Variants in CARMIL1 observed in about 807,000 individuals in gnomAD.
CARMIL1 encodes the protein F-actin-uncapping protein LRRC16A.
Under a neutral mutation model 177.1 loss-of-function variants are expected in CARMIL1, and 90 were observed. That is an observed-to-expected ratio of 0.51 (90% CI 0.43 to 0.61). The LOEUF (loss-of-function observed/expected upper bound fraction) is 0.61. CARMIL1 is among the 20% of genes least tolerant of loss of function. The pLI, the probability that CARMIL1 is intolerant of heterozygous loss-of-function variation, is 0.00. For missense variants in CARMIL1, 1,380 were observed against 1,667.0 expected (o/e 0.83, Z 3.00); for synonymous variants, 577 against 606.2 (o/e 0.95, Z 0.71).
intron 4 of CARMIL1, among the ~76,000 whole-genome samples, chr6:25,434,080 G>A (rs900413972): frequency 6.6e-5 from 10 of 152,148 alleles, no homozygotes; most frequent in Admixed American, 6.5e-4. Context: ...TTTTTTGGGG[G>A]GTAGGAAGAT....
At chr6:25,363,091 A>G (rs1197437021) in intron 2 of CARMIL1, among the ~76,000 whole-genome samples, 1 of 152,168 alleles carries the variant, frequency 6.6e-6, no homozygotes, top group Non-Finnish European at 1.5e-5. Context: ...GAAAGTACTC[A>G]CTACTCAGGT....
rs571109527 is a variant in CARMIL1 at position 25,443,949 on chromosome 6, A to G, written c.372-5949A>G. ...CTCCGGAGTAGCTGGGATTACAGGC[A>G]TGCACCACCACGCCCGAATAATTTT... On this transcript the variant is annotated intron_variant, in intron 5 of 36. Coordinates refer to ENST00000329474, the MANE Select transcript of CARMIL1 (RefSeq NM_017640.6). Among the ~76,000 whole-genome samples, 3 of 152,102 alleles carry G rather than the reference A, an allele frequency of 2.0e-5. No homozygotes were observed. In the South Asian group the frequency reaches 6.2e-4, roughly 32 times the overall value.
At chr6:25,371,182 G>C (rs574640456) in intron 2 of CARMIL1, among the ~76,000 whole-genome samples, 4 of 152,190 alleles carry the variant, frequency 2.6e-5, no homozygotes, top group African/African-American at 9.7e-5. Context: ...ACTTAGGTTG[G>C]TTCTGTATCT....
chr6:25,581,497 A>C (rs988538909), intron 31 of CARMIL1, 58 bp downstream of exon 31: 1 of 1,477,754 alleles, frequency 6.8e-7, no homozygotes, highest in African/African-American at 1.4e-5. Flanking sequence ...CTCTGGGGAA[A>C]GTTGGAGGGT....
intron 17 of CARMIL1, among the ~76,000 whole-genome samples, chr6:25,505,035 C>A (rs1338687286): frequency 1.3e-5 from 2 of 152,216 alleles, no homozygotes; most frequent in African/African-American, 4.8e-5. Context: ...GAATTGACAT[C>A]ATAGGTCAGT....
chr6:25,539,143 CA>C (rs1402194169), intron 25 of CARMIL1, among the ~76,000 whole-genome samples: 1 of 151,924 alleles, frequency 6.6e-6, no homozygotes, highest in Non-Finnish European at 1.5e-5. Flanking sequence ...GTCATTTTAG[CA>C]AATTATGGAA....
Position 25,284,798 on chromosome 6 carries a change from C to CTTTTTTT in CARMIL1, c.41-10_41-4dup, listed in dbSNP as rs568919743. On this transcript the variant is annotated splice_polypyrimidine_tract_variant and intron_variant, in intron 1 of 36. Coordinates refer to ENST00000329474, the MANE Select transcript of CARMIL1 (RefSeq NM_017640.6). ...TTTTTTCTTATTAATAACATAATTC[C>CTTTTTTT]TTTTTTTTTTCAGAAAGCATAAAGG... The CTTTTTTT allele has an allele frequency of 3.3e-6, 4 of 1,228,140 alleles. No individual in the cohort carries two copies. The highest frequency in any genetic ancestry group is 2.3e-5 in the Admixed American group (1 of 43,548). The allele number at this position is 1,228,140 out of a possible 1,614,324, so 76.1% of individuals were successfully genotyped here. A position where few individuals can be genotyped will look rare whatever the true frequency, so the allele number is the denominator to read the frequency against.
At chr6:25,574,559 C>G (rs1456178507) in intron 29 of CARMIL1, among the ~76,000 whole-genome samples, 4 of 152,204 alleles carry the variant, frequency 2.6e-5, no homozygotes, top group African/African-American at 9.6e-5. Context: ...AAGCTTCTCC[C>G]CGTTTCTCCT....
In CARMIL1 at chr6:25,457,888, G is replaced by A. The variant is rs191838963; in HGVS notation, c.614+7177G>A. Reference sequence around the variant, plus strand: ...TATTTGTGCTTTTCTCACATTGCAGGTTGTAGGGCTTGCTAGATGTCCTTC... The same window carrying A: ...TATTTGTGCTTTTCTCACATTGCAGATTGTAGGGCTTGCTAGATGTCCTTC... On this transcript the variant is annotated intron_variant, in intron 8 of 36. Coordinates refer to ENST00000329474, the MANE Select transcript of CARMIL1 (RefSeq NM_017640.6). 2.2e-4 allele frequency among the ~76,000 whole-genome samples: 33 copies of A among 152,264 alleles called. No individual in the cohort carries two copies. In the East Asian group the frequency reaches 6.0e-3, roughly 28 times the overall value.
intron 2 of CARMIL1, among the ~76,000 whole-genome samples, chr6:25,315,308 C>T (rs1234759334): frequency 2.6e-5 from 4 of 152,218 alleles, no homozygotes; most frequent in Admixed American, 1.3e-4. Flanking sequence ...CAATTCTAAG[C>T]CTCTGCTTTG....
chr6:25,501,848 G>A (rs7743652), intron 17 of CARMIL1, among the ~76,000 whole-genome samples: 30,246 of 151,840 alleles, frequency 0.2, 3,371 homozygotes, highest in East Asian at 0.27. Flanking sequence ...TTCTAGAAAT[G>A]GACAAGTCTG....
At chr6:25,508,709 AG>A (rs1198502952) in intron 17 of CARMIL1, among the ~76,000 whole-genome samples, 1 of 152,234 alleles carries the variant, frequency 6.6e-6, no homozygotes, top group Non-Finnish European at 1.5e-5. Flanking sequence ...TTCCTACATG[AG>A]TAAAGGACTT....
intron 23 of CARMIL1, among the ~76,000 whole-genome samples, chr6:25,524,254 A>T: frequency 6.6e-6 from 1 of 152,184 alleles, no homozygotes; most frequent in East Asian, 1.9e-4. Context: ...ATTGCTTAAA[A>T]ACAAACAAAC....
intron 2 of CARMIL1, among the ~76,000 whole-genome samples, chr6:25,412,347 C>G (rs772802734): frequency 1.3e-5 from 2 of 152,146 alleles, no homozygotes; most frequent in East Asian, 3.9e-4. Flanking sequence ...TTTGGGAGGC[C>G]GAGCTGGGAG....
In CARMIL1 at chr6:25,515,849, T is replaced by G; in HGVS notation, c.1805+2T>G. The G allele has an allele frequency of 6.3e-7, 1 of 1,596,428 alleles. No individual in the cohort carries two copies. Among genetic ancestry groups the G allele is most frequent in the Admixed American group, 1.7e-5 (1 of 57,392 alleles). On this transcript the variant is annotated splice_donor_variant, in intron 21 of 36. Coordinates refer to ENST00000329474, the MANE Select transcript of CARMIL1 (RefSeq NM_017640.6). LOFTEE classifies it high-confidence loss of function. This position sits in a 1 kb window ranked among gnomAD's most constrained non-coding sequence, Gnocchi z 5.0. ...ACTGCAGATCAACACTAAGCTCAGG[T>G]AGGCAGATCCCACCCTCCCTGCTCA...
intron 29 of CARMIL1, among the ~76,000 whole-genome samples, chr6:25,567,200 TCCCAGGAAACAAAGA>T (rs1301270676): frequency 3.9e-5 from 6 of 152,228 alleles, no homozygotes. Flanking sequence ...CTGGCCTGAA[TCCCAGGAAACAAAGA>T]CCCAGGAGAG....
intron 23 of CARMIL1, among the ~76,000 whole-genome samples, chr6:25,523,294 A>G (rs1458544187): frequency 6.6e-6 from 1 of 152,218 alleles, no homozygotes; most frequent in African/African-American, 2.4e-5. Context: ...TAGGTAGGAA[A>G]AATAAAGCTA....
In CARMIL1 at chr6:25,600,564, G is replaced by A. The variant is rs756458699; in HGVS notation, c.3370G>A (p.Glu1124Lys). The change falls in exon 33 of 37, where the codon GAG becomes AAG. Residue 1124 changes from glutamate (E) to lysine (K), a missense_variant. By Grantham distance (56) the Glu-to-Lys change is moderately conservative. Coordinates refer to ENST00000329474, the MANE Select transcript of CARMIL1 (RefSeq NM_017640.6). The part of the protein sequence containing the change: ...AEHNGNSERI[E>K]EIKTPDSFEE... ...GCACAATGGCAATTCTGAACGGATAGAGGAGATAAAAACACCTGACTCCTT... is the reference window on the plus strand; with the variant it reads ...GCACAATGGCAATTCTGAACGGATAAAGGAGATAAAAACACCTGACTCCTT... The A allele has an allele frequency of 1.9e-6, 3 of 1,614,028 alleles. No individual in the cohort carries two copies. The Admixed American group carries it at 5.0e-5, about 27-fold the overall frequency.
At chr6:25,574,306 A>C (rs1812389987) in intron 29 of CARMIL1, among the ~76,000 whole-genome samples, 1 of 152,240 alleles carries the variant, frequency 6.6e-6, no homozygotes, top group African/African-American at 2.4e-5. Flanking sequence ...CAAATGCCAA[A>C]TACCTGTGTT....
Sources: allele counts gnomAD v4.1 joint callset (sites outside exome capture counted in the v4.1 genomes callset), GRCh38; gene constraint gnomAD v4.1.1; non-coding constraint Gnocchi (gnomAD v3.1); transcripts MANE v1.5; gene names NCBI Gene and HGNC (gene_info 2026-07-23, HGNC 2026-07-21).